RANBP17: variants seen among roughly 807,000 people sequenced by gnomAD.
The protein encoded by RANBP17 is ran-binding protein 17.
A neutral mutation model predicts 141.2 loss-of-function variants in RANBP17; 158 were observed. The observed-to-expected ratio is 1.12, with a 90% confidence interval of 0.98 to 1.28. The LOEUF (loss-of-function observed/expected upper bound fraction) is 1.28. Ranked by LOEUF, RANBP17 falls within the 50% of genes most tolerant of loss-of-function variation. The pLI, the probability that RANBP17 is intolerant of heterozygous loss-of-function variation, is 0.00. For missense variants in RANBP17, 1,438 were observed against 1,290.7 expected, an observed-to-expected ratio of 1.11 and a Z score of -1.75; for synonymous variants, 430 against 450.0, an observed-to-expected ratio of 0.96 and a Z score of 0.56.
chr5:170,886,007 G>C (rs1042798887), intron 3 of RANBP17, among the ~76,000 whole-genome samples: 1 of 151,936 alleles, frequency 6.6e-6, no homozygotes, highest in African/African-American at 2.4e-5. Context: ...AGGCTTGATG[G>C]CTCTCATGGC....
At chr5:171,102,904 G>T (rs1787274085) in intron 14 of RANBP17, among the ~76,000 whole-genome samples, 1 of 152,062 alleles carries the variant, frequency 6.6e-6, no homozygotes, top group South Asian at 2.1e-4. Context: ...ACCAGACCCT[G>T]TTTGCCTGGG....
Position 170,911,082 on chromosome 5 carries a change from T to C in RANBP17, c.708T>C (p.Asp236=). Residue 236 remains aspartate, a synonymous_variant, in exon 7 of 28, where the codon GAT becomes GAC. Transcript: ENST00000523189. Reference sequence around the variant, plus strand: ...TTGACTTCATTGGCAGTTCAGCAGATGAATCTGCAGATGATCTTTGCACGG... The same window carrying C: ...TTGACTTCATTGGCAGTTCAGCAGACGAATCTGCAGATGATCTTTGCACGG... ...LNFDFIGSSA[D]ESADDLCTVQ... is the part of the protein sequence containing the mutation. 6.2e-7 allele frequency: 1 copy of C among 1,612,064 alleles called. No individual in the cohort carries two copies. The highest frequency in any genetic ancestry group is 8.5e-7 in the Non-Finnish European group (1 of 1,178,680).
chr5:171,160,799 G>GTTTTTT (rs1047950003), intron 14 of RANBP17, among the ~76,000 whole-genome samples: 6 of 148,584 alleles, frequency 4.0e-5, no homozygotes, highest in African/African-American at 1.5e-4. Context: ...ATTCTTTTTG[G>GTTTTTT]TTTTTTTTTT....
At chr5:170,955,648 G>GTATA (rs1159344330) in intron 13 of RANBP17, among the ~76,000 whole-genome samples, 866 of 21,346 alleles carry the variant, frequency 0.041, 79 homozygotes, top group African/African-American at 0.078. Context: ...TATGCTCAGT[G>GTATA]TATATATATA....
chr5:171,146,270 G>A (rs992183595), intron 14 of RANBP17, among the ~76,000 whole-genome samples: 2 of 152,170 alleles, frequency 1.3e-5, no homozygotes, highest in African/African-American at 4.8e-5. Flanking sequence ...AGTGGATAAG[G>A]CTTTCTTTGT....
chr5:170,898,355 T>C (rs1770316994), intron 5 of RANBP17, among the ~76,000 whole-genome samples: 1 of 152,206 alleles, frequency 6.6e-6, no homozygotes, highest in African/African-American at 2.4e-5. Context: ...GTTCATATCC[T>C]TTGCCCACTT....
At chr5:171,215,600 T>C (rs1717286768) in intron 21 of RANBP17, among the ~76,000 whole-genome samples, 2 of 152,106 alleles carry the variant, frequency 1.3e-5, no homozygotes, top group African/African-American at 2.4e-5. Context: ...GCCATTCTAA[T>C]GGGCATGAGA....
At chr5:170,957,279 G>A (rs999526836) in intron 13 of RANBP17, among the ~76,000 whole-genome samples, 8 of 152,132 alleles carry the variant, frequency 5.3e-5, no homozygotes, top group African/African-American at 1.9e-4. Flanking sequence ...AGCCTTGGGT[G>A]AAGTTCATGG....
intron 24 of RANBP17, chr5:171,252,562 C>G: frequency 7.3e-7 from 1 of 1,377,154 alleles, no homozygotes; most frequent in Non-Finnish European, 1.0e-6. Flanking sequence ...AGTTTAAAAA[C>G]TGCCCATGAT....
rs1408330213 is a variant in RANBP17, at chr5:171,200,493, A to G, written c.2142+720A>G. 2.0e-5 allele frequency among the ~76,000 whole-genome samples: 3 copies of G among 152,328 alleles called. No individual in the cohort carries two copies. The East Asian group carries it at 5.8e-4, about 29-fold the overall frequency. The stretch of plus-strand genomic sequence containing the variant: ...GAAGCACAAGCACTGCTAAATAGAA[A>G]TAGTATCTTCTGAAATTATAATGTA... On this transcript the variant is annotated intron_variant, in intron 19 of 27. Transcript: ENST00000523189.
chr5:171,235,595 TAC>T (rs552892792), intron 22 of RANBP17, among the ~76,000 whole-genome samples: 3 of 151,570 alleles, frequency 2.0e-5, no homozygotes, highest in Non-Finnish European at 2.9e-5. Context: ...GAAATTGATG[TAC>T]ACACACACAC....
intron 14 of RANBP17, among the ~76,000 whole-genome samples, chr5:171,094,758 G>A (rs550913406): frequency 1.3e-5 from 2 of 152,272 alleles, no homozygotes; most frequent in African/African-American, 2.4e-5. Flanking sequence ...GTTTTCCCAA[G>A]AGGAATGCGT....
At chr5:171,068,066 T>A (rs1784413274) in intron 14 of RANBP17, among the ~76,000 whole-genome samples, 1 of 152,160 alleles carries the variant, frequency 6.6e-6, no homozygotes, top group Non-Finnish European at 1.5e-5. Flanking sequence ...ACTGTTTATT[T>A]TTCTTCATCC....
chr5:171,202,844 T>A (rs1235532473), intron 19 of RANBP17, among the ~76,000 whole-genome samples: 2 of 152,208 alleles, frequency 1.3e-5, no homozygotes, highest in African/African-American at 2.4e-5. Flanking sequence ...TTCTTTGTTG[T>A]TATTATATAG....
intron 13 of RANBP17, among the ~76,000 whole-genome samples, chr5:170,965,416 G>A (rs1363986083): frequency 3.3e-5 from 5 of 152,190 alleles, no homozygotes; most frequent in Admixed American, 6.5e-5. Context: ...GATCCCATTT[G>A]TCAATTTTGG....
intron 14 of RANBP17, among the ~76,000 whole-genome samples, chr5:171,127,526 T>G (rs780454901): frequency 1.3e-5 from 2 of 152,220 alleles, no homozygotes; most frequent in Non-Finnish European, 2.9e-5. Flanking sequence ...AAAAAATAGT[T>G]TTATTAAAAC....
chr5:171,117,016 AGT>A (rs1755680407), intron 14 of RANBP17, among the ~76,000 whole-genome samples: 1 of 152,156 alleles, frequency 6.6e-6, no homozygotes, highest in African/African-American at 2.4e-5. Flanking sequence ...ATGGATGAAT[AGT>A]GTTCCCTTGT....
intron 13 of RANBP17, among the ~76,000 whole-genome samples, chr5:170,954,115 TC>T (rs1246671070): frequency 6.6e-6 from 1 of 152,214 alleles, no homozygotes; most frequent in African/African-American, 2.4e-5. Context: ...GTTGAATTAT[TC>T]TCTTCAAGTT....
chr5:171,247,899 A>G (rs925392950), intron 24 of RANBP17, among the ~76,000 whole-genome samples: 11 of 152,340 alleles, frequency 7.2e-5, no homozygotes, highest in African/African-American at 2.6e-4. Flanking sequence ...AAATCAAATC[A>G]TTATATGCGC....
Sources: allele counts gnomAD v4.1 joint callset (sites outside exome capture counted in the v4.1 genomes callset), GRCh38; gene constraint gnomAD v4.1.1; transcripts MANE v1.5; gene names NCBI Gene and HGNC (gene_info 2026-07-23, HGNC 2026-07-21).